Variants in SH3RF3 observed in about 807,000 individuals in gnomAD.
SH3RF3 encodes the protein E3 ubiquitin-protein ligase SH3RF3.
Under a neutral mutation model 66.3 loss-of-function variants are expected in SH3RF3, and 29 were observed. That is an observed-to-expected ratio of 0.44 (90% CI 0.33 to 0.60). SH3RF3 has a LOEUF of 0.60. Ranked by LOEUF, SH3RF3 falls within the 20% of genes least tolerant of loss-of-function variation. SH3RF3 has a pLI of 0.04. For missense variants in SH3RF3, 1,194 were observed against 1,190.9 expected, an observed-to-expected ratio of 1.00 and a Z score of -0.04; for synonymous variants, 583 against 532.0, an observed-to-expected ratio of 1.10 and a Z score of -1.32.
chr2:109,440,654 T>C (rs1559085135), intron 7 of SH3RF3, among the ~76,000 whole-genome samples: 1 of 152,160 alleles, frequency 6.6e-6, no homozygotes, highest in African/African-American at 2.4e-5. Context: ...ATGAGAGAAG[T>C]TGCAGGCAGT....
intron 1 of SH3RF3, among the ~76,000 whole-genome samples, chr2:109,188,547 C>T (rs1157596809): frequency 6.6e-6 from 1 of 152,218 alleles, no homozygotes; most frequent in African/African-American, 2.4e-5. Flanking sequence ...CGGCATCCCC[C>T]GTCATTGTGA....
At chr2:109,324,583 C>G (rs926470931) in intron 1 of SH3RF3, among the ~76,000 whole-genome samples, 1 of 152,158 alleles carries the variant, frequency 6.6e-6, no homozygotes. Flanking sequence ...GGTTGATGAT[C>G]TGTTGACTAA....
intron 5 of SH3RF3, among the ~76,000 whole-genome samples, chr2:109,428,996 ACT>A (rs1256391903): frequency 6.6e-6 from 1 of 152,038 alleles, no homozygotes; most frequent in Non-Finnish European, 1.5e-5. Flanking sequence ...CAGCCAGGAG[ACT>A]CTGAACTGGC....
At chr2:109,300,256 G>A (rs1245466373) in intron 1 of SH3RF3, among the ~76,000 whole-genome samples, 1 of 152,148 alleles carries the variant, frequency 6.6e-6, no homozygotes, top group African/African-American at 2.4e-5. Context: ...CTGGAGTGCA[G>A]TGAACCTCCA....
At chr2:109,464,478 G>T (rs1274013278) in intron 8 of SH3RF3, among the ~76,000 whole-genome samples, 1 of 152,082 alleles carries the variant, frequency 6.6e-6, no homozygotes, top group Admixed American at 6.5e-5. Context: ...GTAAACATCT[G>T]TACACATATA....
At position 109,129,592 on chromosome 2, in the gene SH3RF3, G is replaced by T; in HGVS notation, c.52G>T (p.Ala18Ser). 6.7e-7 allele frequency: 1 copy of T among 1,484,090 alleles called. No individual in the cohort carries two copies. The highest frequency in any genetic ancestry group is 8.9e-7 in the Non-Finnish European group (1 of 1,126,076). The allele number at this position is 1,484,090 out of a possible 1,614,324, so 91.9% of individuals were successfully genotyped here. A position where few individuals can be genotyped will look rare whatever the true frequency, so the allele number is the denominator to read the frequency against. ...CGCATCCAAGGCGGCCGCCGCTGCT[G>T]CGCAGAGCGAGGGCGACGAGGACAG... ...LCASKAAAAA[A>S]QSEGDEDRPG... The change falls in exon 1 of 10, where the codon GCG becomes TCG. Residue 18 changes from alanine to serine, a missense_variant. Transcript: ENST00000309415.
intron 1 of SH3RF3, among the ~76,000 whole-genome samples, chr2:109,217,360 C>T (rs965203241): frequency 3.3e-5 from 5 of 152,296 alleles, no homozygotes; most frequent in African/African-American, 1.2e-4. Context: ...CTTACCATAT[C>T]GTGAATGAGG....
chr2:109,355,054 A>G (rs1428070252), intron 2 of SH3RF3, among the ~76,000 whole-genome samples: 2 of 152,160 alleles, frequency 1.3e-5, no homozygotes, highest in Non-Finnish European at 2.9e-5. Context: ...ATCCTTTAGG[A>G]CCACCCTGAG....
chr2:109,401,240 A>G (rs6747329), intron 4 of SH3RF3, among the ~76,000 whole-genome samples: 82,670 of 152,150 alleles, frequency 0.54, 23,222 homozygotes, highest in African/African-American at 0.67. Flanking sequence ...AACCTGAGCA[A>G]CTGTTGGCGA....
chr2:109,236,626 C>T (rs1443561625), intron 1 of SH3RF3, among the ~76,000 whole-genome samples: 1 of 152,130 alleles, frequency 6.6e-6, no homozygotes, highest in African/African-American at 2.4e-5. Flanking sequence ...ATTAACATTA[C>T]CACGAGAAGA....
chr2:109,467,456 C>T (rs1033391631), intron 8 of SH3RF3, among the ~76,000 whole-genome samples: 1 of 152,134 alleles, frequency 6.6e-6, no homozygotes, highest in Non-Finnish European at 1.5e-5. Flanking sequence ...GAAAGCAGCT[C>T]GGGGGTTTCC....
chr2:109,389,529 G>A (rs78157949), intron 3 of SH3RF3, among the ~76,000 whole-genome samples: 19,679 of 152,148 alleles, frequency 0.13, 1,540 homozygotes, highest in East Asian at 0.24. Flanking sequence ...TAAAAAGGCC[G>A]GTCAGGACCC....
intron 1 of SH3RF3, among the ~76,000 whole-genome samples, chr2:109,215,624 C>G (rs967780293): frequency 1.3e-5 from 2 of 152,096 alleles, no homozygotes; most frequent in African/African-American, 4.8e-5. Context: ...CTCGGTGACT[C>G]TGGATGCCAG....
At chr2:109,434,938 G>A (rs941709752) in intron 6 of SH3RF3, among the ~76,000 whole-genome samples, 5 of 152,204 alleles carry the variant, frequency 3.3e-5, no homozygotes, top group African/African-American at 4.8e-5. Context: ...TTTGTTATGG[G>A]AAGATCCTCC....
intron 2 of SH3RF3, among the ~76,000 whole-genome samples, chr2:109,359,799 C>A (rs1683018735): frequency 6.6e-6 from 1 of 152,148 alleles, no homozygotes; most frequent in Admixed American, 6.5e-5. Context: ...CCCTCCCAGG[C>A]CCCTTCAGCT....
At chr2:109,357,859 A>G (rs1682982597) in intron 2 of SH3RF3, among the ~76,000 whole-genome samples, 1 of 152,246 alleles carries the variant, frequency 6.6e-6, no homozygotes, top group South Asian at 2.1e-4. Context: ...AGCCTCCTGC[A>G]TTGTCAACAT....
chr2:109,323,635 T>G (rs1682080584), intron 1 of SH3RF3, among the ~76,000 whole-genome samples: 4 of 152,174 alleles, frequency 2.6e-5, no homozygotes, highest in Admixed American at 2.6e-4. Context: ...GCATGGGGTT[T>G]TGGTGAGGTT....
intron 8 of SH3RF3, among the ~76,000 whole-genome samples, chr2:109,459,105 G>T (rs1000496578): frequency 3.3e-5 from 5 of 152,076 alleles, no homozygotes; most frequent in Admixed American, 6.5e-5. Context: ...TTTGAGTGGT[G>T]CTTCGTCTTC....
intron 9 of SH3RF3, among the ~76,000 whole-genome samples, chr2:109,492,945 C>T (rs1679166812): frequency 6.6e-6 from 1 of 152,036 alleles, no homozygotes; most frequent in East Asian, 1.9e-4. Context: ...GTGCCTTCCC[C>T]TCTACAGGGC....
Sources: gnomAD v4.1 joint callset for allele counts (sites outside exome capture counted in the v4.1 genomes callset) on GRCh38, gnomAD v4.1.1 for gene constraint, MANE v1.5 for transcripts, NCBI Gene and HGNC (gene_info 2026-07-23, HGNC 2026-07-21) for gene names.